Variants in SMG6 observed in about 807,000 individuals in gnomAD.
SMG6 encodes the protein SMG6 nonsense mediated mRNA decay factor.
A neutral mutation model predicts 142.2 loss-of-function variants in SMG6; 66 were observed. That is an observed-to-expected ratio of 0.46 (90% confidence interval 0.38 to 0.57). The LOEUF is 0.57. SMG6 is among the 20% of genes least tolerant of loss of function. The pLI, the probability that SMG6 is intolerant of heterozygous loss-of-function variation, is 0.00. For missense variants in SMG6, 1,793 were observed against 1,832.0 expected (o/e 0.98, Z 0.39); for synonymous variants, 779 against 702.4 (o/e 1.11, Z -1.72).
At chr17:2,266,278 G>T in intron 8 of SMG6, 3 of 614,496 alleles carry the variant, frequency 4.9e-6, no homozygotes, top group Non-Finnish European at 6.1e-6. Flanking sequence ...ACACGCACGC[G>T]AACAGGATAT....
chr17:2,082,224 T>G, intron 14 of SMG6: 1 of 430,916 alleles, frequency 2.3e-6, no homozygotes, highest in Non-Finnish European at 4.2e-6. Flanking sequence ...CACACATATA[T>G]ACCTGCGTGC....
At chr17:2,189,031 C>T (rs2072080611) in intron 10 of SMG6, among the ~76,000 whole-genome samples, 1 of 152,228 alleles carries the variant, frequency 6.6e-6, no homozygotes, top group Non-Finnish European at 1.5e-5. Context: ...ATCCTTACTT[C>T]CTCCATGTCC....
At chr17:2,079,618 A>G (rs931726738) in intron 15 of SMG6, among the ~76,000 whole-genome samples, 10 of 152,042 alleles carry the variant, frequency 6.6e-5, no homozygotes, top group African/African-American at 2.4e-4. Context: ...TCTCAAAAAA[A>G]AAAAAGTAAA....
intron 13 of SMG6, among the ~76,000 whole-genome samples, chr17:2,108,580 G>A (rs527617594): frequency 1.1e-4 from 17 of 152,242 alleles, no homozygotes; most frequent in South Asian, 2.1e-4. Context: ...GTAGTGAGCC[G>A]AGATTGTGTC....
chr17:2,224,454 A>G (rs2073259787), intron 10 of SMG6, among the ~76,000 whole-genome samples: 1 of 152,222 alleles, frequency 6.6e-6, no homozygotes, highest in African/African-American at 2.4e-5. Context: ...ATTTATTAAA[A>G]TTAAAAACAT....
At chr17:2,083,730 C>T (rs2068484030) in intron 14 of SMG6, among the ~76,000 whole-genome samples, 1 of 152,220 alleles carries the variant, frequency 6.6e-6, no homozygotes, top group East Asian at 1.9e-4. Flanking sequence ...ACTGCCTCTG[C>T]CTGCTCTGAC....
chr17:2,232,364 C>T lies in SMG6; in HGVS notation c.2869+4128G>A, dbSNP rs149868621. On this transcript the variant is annotated intron_variant, in intron 10 of 18. Transcript: ENST00000263073. Reference sequence around the variant, plus strand: ...GAGGCACGTGGAGAAAGCCCTTCCTCGCTTCAGGCTCAGGAATGCCTTAGA... The same window carrying T: ...GAGGCACGTGGAGAAAGCCCTTCCTTGCTTCAGGCTCAGGAATGCCTTAGA... 1.9e-3 allele frequency among the ~76,000 whole-genome samples: 294 copies of T among 152,304 alleles called. 1 individual carries two copies. Among genetic ancestry groups the T allele is most frequent in the African/African-American group, 6.7e-3 (277 of 41,564 alleles).
At chr17:2,184,479 GA>G (rs1295364556) in intron 12 of SMG6, among the ~76,000 whole-genome samples, 1 of 148,120 alleles carries the variant, frequency 6.8e-6, no homozygotes, top group African/African-American at 2.5e-5. Context: ...CCAACATAGT[GA>G]AACCTCATCT....
intron 13 of SMG6, among the ~76,000 whole-genome samples, chr17:2,124,512 A>G (rs1404804158): frequency 6.6e-6 from 1 of 152,166 alleles, no homozygotes; most frequent in African/African-American, 2.4e-5. Flanking sequence ...GAGTGTTTAT[A>G]TAAAACCCCA....
At chr17:2,253,326 G>C (rs1414476103) in intron 8 of SMG6, among the ~76,000 whole-genome samples, 2 of 151,974 alleles carry the variant, frequency 1.3e-5, no homozygotes, top group African/African-American at 2.4e-5. Flanking sequence ...TATTCTTTTA[G>C]TAGAGATGGG....
intron 13 of SMG6, among the ~76,000 whole-genome samples, chr17:2,136,291 C>G (rs1011676913): frequency 2.2e-4 from 33 of 151,460 alleles, no homozygotes; most frequent in African/African-American, 8.0e-4. Context: ...GAACTCCTGA[C>G]CTCAGCCTCC....
chr17:2,133,985 A>G (rs570692975), intron 13 of SMG6, among the ~76,000 whole-genome samples: 1 of 152,162 alleles, frequency 6.6e-6, no homozygotes, highest in Non-Finnish European at 1.5e-5. Flanking sequence ...GTAGAGCCCG[A>G]ACACTAGCCC....
At chr17:2,172,924 G>A in intron 12 of SMG6, 65 bp from the exon 13 acceptor site, 1 of 1,459,940 alleles carries the variant, frequency 6.8e-7, no homozygotes, top group Non-Finnish European at 9.5e-7. Context: ...AGTATTCTCA[G>A]TATTTGTGAG....
rs566924425 is a variant in SMG6, at chr17:2,098,109, T to C, written c.3358-12208A>G. Among the ~76,000 whole-genome samples, 12 of 152,174 alleles carry C rather than the reference T, an allele frequency of 7.9e-5. No individual in the cohort carries two copies. The South Asian group carries it at 2.5e-3, about 32-fold the overall frequency. ...ACTCAGGTGATCCTTCCGCCTCAAC[T>C]TCCTCAGGAGCTGGGACTACAAGCA... On this transcript the variant is annotated intron_variant, in intron 13 of 18. Transcript: ENST00000263073.
At chr17:2,064,199 G>C (rs2067869823) in intron 18 of SMG6, among the ~76,000 whole-genome samples, 3 of 152,184 alleles carry the variant, frequency 2.0e-5, no homozygotes, top group African/African-American at 7.2e-5. Flanking sequence ...CTTATAGGTA[G>C]ACAGAAACGA....
chr17:2,250,175 G>A (rs2074015566), intron 8 of SMG6, among the ~76,000 whole-genome samples: 1 of 152,190 alleles, frequency 6.6e-6, no homozygotes, highest in Non-Finnish European at 1.5e-5. Flanking sequence ...CAACGCAAGA[G>A]GAGGGGATTC....
chr17:2,243,676 T>G (rs1597693896), intron 9 of SMG6, among the ~76,000 whole-genome samples: 3 of 152,126 alleles, frequency 2.0e-5, no homozygotes, highest in South Asian at 4.1e-4. Context: ...CAAGGCTCTG[T>G]CTCAAAAAAA....
chr17:2,229,421 C>T (rs191773452), intron 10 of SMG6: 7 of 152,258 alleles, frequency 4.6e-5, no homozygotes, highest in Admixed American at 1.3e-4. Context: ...ATTCCTTGCA[C>T]TGTCTAGCTG....
In SMG6 at chr17:2,298,041, T is replaced by C; in HGVS notation, c.1862A>G (p.Gln621Arg). Residue 621 changes from glutamine to arginine, a missense_variant, in exon 3 of 19, where the codon CAG (glutamine) becomes CGG (arginine). Around this residue, in one of 3 missense-constraint regions of SMG6, gnomAD observed 1,597 missense variants for 1,584.6 expected, o/e 1.01. Coordinates refer to ENST00000263073, the MANE Select transcript of SMG6 (RefSeq NM_017575.5). ...KMAQLRAELL[Q>R]LYERCILLDI... Reference sequence around the variant, plus strand: ...TAATAGAATACAGCGCTCATATAGCTGCAGCAGTTCAGCTCTGGAATAAAA... The same window carrying C: ...TAATAGAATACAGCGCTCATATAGCCGCAGCAGTTCAGCTCTGGAATAAAA... 6.2e-7 allele frequency: 1 copy of C among 1,607,394 alleles called. No homozygotes were observed. The highest frequency in any genetic ancestry group is 1.1e-5 in the South Asian group (1 of 89,846).
Sources: allele counts gnomAD v4.1 joint callset (sites outside exome capture counted in the v4.1 genomes callset), GRCh38; gene constraint gnomAD v4.1.1; regional missense constraint gnomAD v4.1.1; transcripts MANE v1.5; gene names NCBI Gene and HGNC (gene_info 2026-07-23, HGNC 2026-07-21).